RAB3C: variants seen among roughly 807,000 people sequenced by gnomAD.
RAB3C encodes the protein RAB3C, member RAS oncogene family.
RAB3C carries 17 observed loss-of-function variants against 26.4 expected under a neutral mutation model. That is an observed-to-expected ratio of 0.64 (90% CI 0.44 to 0.97). The LOEUF (loss-of-function observed/expected upper bound fraction) is 0.97, where lower values mean the gene tolerates loss of function less well. RAB3C is among the 50% of genes least tolerant of loss of function. RAB3C has a pLI of 0.00. For synonymous variants in RAB3C, 91 were observed against 95.9 expected (o/e 0.95, Z 0.30); for missense variants, 242 against 281.9 (o/e 0.86, Z 1.01).
intron 2 of RAB3C, among the ~76,000 whole-genome samples, chr5:58,724,295 G>T: frequency 6.6e-6 from 1 of 151,662 alleles, no homozygotes; most frequent in East Asian, 1.9e-4. Context: ...GAGGGATTTG[G>T]TTTACAGAGG....
intron 1 of RAB3C, among the ~76,000 whole-genome samples, chr5:58,592,980 A>G (rs1175349364): frequency 1.3e-5 from 2 of 152,108 alleles, no homozygotes; most frequent in Non-Finnish European, 2.9e-5. Flanking sequence ...TTTAGCCATT[A>G]CATCTTTAAG....
At chr5:58,719,038 T>C (rs1740675388) in intron 2 of RAB3C, among the ~76,000 whole-genome samples, 1 of 151,960 alleles carries the variant, frequency 6.6e-6, no homozygotes, top group African/African-American at 2.4e-5. Context: ...AACAACATGG[T>C]GTGTAATAAT....
intron 4 of RAB3C, among the ~76,000 whole-genome samples, chr5:58,827,932 C>G: frequency 6.6e-6 from 1 of 152,220 alleles, no homozygotes; most frequent in East Asian, 1.9e-4. Flanking sequence ...CACATACACA[C>G]AAAAGTTGCA....
intron 2 of RAB3C, among the ~76,000 whole-genome samples, chr5:58,718,888 G>A (rs570039032): frequency 2.3e-4 from 35 of 152,002 alleles, no homozygotes; most frequent in Admixed American, 3.9e-4. Context: ...ATTTCATTCC[G>A]AATGAAACAA....
intron 1 of RAB3C, among the ~76,000 whole-genome samples, chr5:58,589,811 C>T (rs1345112592): frequency 6.6e-6 from 1 of 152,086 alleles, no homozygotes; most frequent in African/African-American, 2.4e-5. Flanking sequence ...AATTACAATA[C>T]CTCTTAAAAG....
In RAB3C at chr5:58,627,515, A is replaced by AAAAAAAAAAAAAAAAAAAAAAC. The variant is rs1325212744; in HGVS notation, c.252+9649_252+9650insAAAAAAAAAAAAAAAAACAAAA. ...AAAAAAAAAAAAAAAAAAAAAAAAA[A>AAAAAAAAAAAAAAAAAAAAAAC]AAAACACAGCTTAAATTCGGTGCAA... On this transcript the variant is annotated intron_variant, in intron 2 of 4. Coordinates refer to ENST00000282878, the MANE Select transcript of RAB3C (RefSeq NM_138453.4). 7.1e-4 allele frequency among the ~76,000 whole-genome samples: 43 copies of AAAAAAAAAAAAAAAAAAAAAAC among 60,574 alleles called. 9 individuals carry two copies. Among genetic ancestry groups the AAAAAAAAAAAAAAAAAAAAAAC allele is most frequent in the Non-Finnish European group, 1.2e-3 (35 of 30,328 alleles). 39.7% of individuals were successfully genotyped at this position (60,574 alleles called of 152,430 possible).
At chr5:58,729,100 C>T (rs1740947601) in intron 3 of RAB3C, among the ~76,000 whole-genome samples, 1 of 152,024 alleles carries the variant, frequency 6.6e-6, no homozygotes, top group African/African-American at 2.4e-5. Context: ...CTCATCTCTG[C>T]ACCCACACTA....
chr5:58,652,400 C>T (rs1747673398), intron 2 of RAB3C, among the ~76,000 whole-genome samples: 1 of 151,652 alleles, frequency 6.6e-6, no homozygotes, highest in Non-Finnish European at 1.5e-5. Flanking sequence ...GGAGGAGAAA[C>T]TTATCTTTTT....
chr5:58,761,030 TTCTCTC>T (rs147066692), intron 3 of RAB3C, among the ~76,000 whole-genome samples: 6 of 141,962 alleles, frequency 4.2e-5, no homozygotes, highest in Non-Finnish European at 9.2e-5. Context: ...ATCACATTCC[TTCTCTC>T]TCTCTCTCTC....
chr5:58,626,930 C>T (rs1278018966), intron 2 of RAB3C, among the ~76,000 whole-genome samples: 1 of 152,112 alleles, frequency 6.6e-6, no homozygotes, highest in Non-Finnish European at 1.5e-5. Flanking sequence ...GACAAGGTGG[C>T]ATATCTTCTG....
intron 3 of RAB3C, among the ~76,000 whole-genome samples, chr5:58,775,262 G>A (rs1742104388): frequency 6.6e-6 from 1 of 152,072 alleles, no homozygotes; most frequent in South Asian, 2.1e-4. Flanking sequence ...TCTTGGCTGA[G>A]ATCACAAATG....
At chr5:58,697,024 A>T (rs1748715161) in intron 2 of RAB3C, among the ~76,000 whole-genome samples, 1 of 151,894 alleles carries the variant, frequency 6.6e-6, no homozygotes, top group African/African-American at 2.4e-5. Context: ...TAGGGTGTCG[A>T]TTTTACATCT....
intron 2 of RAB3C, among the ~76,000 whole-genome samples, chr5:58,626,444 G>T (rs1467548497): frequency 6.6e-6 from 1 of 151,996 alleles, no homozygotes; most frequent in East Asian, 1.9e-4. Flanking sequence ...TTTATATTAG[G>T]CCTATTCTAG....
chr5:58,774,476 C>T lies in RAB3C; in HGVS notation c.371+48356C>T, dbSNP rs992161286. 3.9e-5 allele frequency among the ~76,000 whole-genome samples: 6 copies of T among 152,188 alleles called. No individual in the cohort carries two copies. In the South Asian group the frequency reaches 6.2e-4, roughly 16 times the overall value. On this transcript the variant is annotated intron_variant, in intron 3 of 4. Coordinates refer to ENST00000282878, the MANE Select transcript of RAB3C (RefSeq NM_138453.4). ...GTATGTCCTGAGCAACTTTTATGTG[C>T]CAGGCACTGTTTCTAGCACTACAGA... is the stretch of plus-strand genomic sequence containing the variant.
chr5:58,655,372 A>G (rs1441160234), intron 2 of RAB3C, among the ~76,000 whole-genome samples: 2 of 152,236 alleles, frequency 1.3e-5, no homozygotes, highest in Non-Finnish European at 2.9e-5. Context: ...GTATAAAAGG[A>G]CATGTTTTGA....
At chr5:58,828,996 T>TG (rs1307973106) in intron 4 of RAB3C, among the ~76,000 whole-genome samples, 2 of 149,754 alleles carry the variant, frequency 1.3e-5, no homozygotes, top group East Asian at 4.0e-4. Flanking sequence ...CCCTGCCTCC[T>TG]GGGTTCAAGC....
chr5:58,758,013 C>G (rs1741712589), intron 3 of RAB3C, among the ~76,000 whole-genome samples: 2 of 152,304 alleles, frequency 1.3e-5, no homozygotes, highest in Middle Eastern at 3.4e-3. Context: ...GCGATCTCAG[C>G]TCACTGCAAG....
At chr5:58,834,848 T>C (rs1028530197) in intron 4 of RAB3C, among the ~76,000 whole-genome samples, 7 of 152,232 alleles carry the variant, frequency 4.6e-5, no homozygotes, top group Admixed American at 2.6e-4. Flanking sequence ...TTGTCTCTTT[T>C]GTGCTTCCCA....
At chr5:58,754,419 T>G (rs529786070) in intron 3 of RAB3C, among the ~76,000 whole-genome samples, 148 of 152,274 alleles carry the variant, frequency 9.7e-4, no homozygotes, top group African/African-American at 3.5e-3. Context: ...CTTGCATATA[T>G]TAGGCATTAG....
Sources: allele counts gnomAD v4.1 joint callset (sites outside exome capture counted in the v4.1 genomes callset), GRCh38; gene constraint gnomAD v4.1.1; transcripts MANE v1.5; gene names NCBI Gene and HGNC (gene_info 2026-07-23, HGNC 2026-07-21).